The following NCOA2 variants were observed in gnomAD, a reference collection of about 807,000 sequenced individuals.
The protein encoded by NCOA2 is nuclear receptor coactivator 2.
In NCOA2, 21 loss-of-function variants were observed where a neutral mutation model predicts 145.1. That is an observed-to-expected ratio of 0.14 (90% CI 0.10 to 0.21). The LOEUF is 0.21. NCOA2 is among the 10% of genes least tolerant of loss of function. The pLI is 1.00. For synonymous variants in NCOA2, 619 were observed against 637.5 expected, an observed-to-expected ratio of 0.97 and a Z score of 0.44; for missense variants, 1,472 against 1,837.6, an observed-to-expected ratio of 0.80 and a Z score of 3.64.
chr8:70,252,629 G>A (rs547848813), intron 2 of NCOA2, among the ~76,000 whole-genome samples: 2 of 152,212 alleles, frequency 1.3e-5, no homozygotes, highest in African/African-American at 4.8e-5. Flanking sequence ...AATCACATAC[G>A]TTAGGGCCCT....
chr8:70,282,521 A>G (rs1019225149), intron 2 of NCOA2, among the ~76,000 whole-genome samples: 1 of 152,030 alleles, frequency 6.6e-6, no homozygotes, highest in African/African-American at 2.4e-5. Context: ...CCCCATCTCT[A>G]CCAAAAATAC....
chr8:70,156,542 T>C lies in NCOA2; in HGVS notation c.1823A>G (p.Glu608Gly), dbSNP rs769629441. The change falls in exon 11 of 23, where the codon GAG becomes GGG. Residue 608 changes from glutamate to glycine, a missense_variant. This residue lies in a region of NCOA2 where 953 missense variants were observed against 1,062.1 expected (regional missense o/e 0.90). Coordinates refer to ENST00000452400, the MANE Select transcript of NCOA2 (RefSeq NM_006540.4). The stretch of plus-strand genomic sequence containing the variant: ...GTTGGGGTCATTTGTTTCCTTTTGC[T>C]CTCCAGGATGGCAGCTGCTCTCTGC... Reference protein sequence around the residue: ...GQAESSCHPGEQKETNDPNLP... With the variant: ...GQAESSCHPGGQKETNDPNLP... 6 of 1,613,844 alleles carry C rather than the reference T, an allele frequency of 3.7e-6. No individual in the cohort carries two copies. The highest frequency in any genetic ancestry group is 5.1e-6 in the Non-Finnish European group (6 of 1,179,858).
intron 1 of NCOA2, among the ~76,000 whole-genome samples, chr8:70,352,207 T>C (rs987636542): frequency 5.1e-4 from 78 of 152,180 alleles, no homozygotes; most frequent in Non-Finnish European, 1.5e-4. Flanking sequence ...AAGTATTAGA[T>C]GTTTAGAATT....
In NCOA2 at chr8:70,111,880, C is replaced by T. The variant is rs1309694622; in HGVS notation, c.*1752G>A. The T allele has an allele frequency of 4.5e-6, 1 of 221,534 alleles. No homozygotes were observed. The highest frequency in any genetic ancestry group is 9.0e-6 in the Non-Finnish European group (1 of 110,872). 13.7% of individuals were successfully genotyped at this position (221,534 alleles called of 1,614,324 possible). A position where few individuals can be genotyped will look rare whatever the true frequency, so the allele number is the denominator to read the frequency against. On this transcript the variant is annotated 3_prime_UTR_variant, in exon 23 of 23. Coordinates refer to ENST00000452400, the MANE Select transcript of NCOA2 (RefSeq NM_006540.4). ...ATTATAAAATGCTTTGCTTTTTAGA[C>T]ATCAAAAAGATATCATTCTGAAATT...
At chr8:70,339,581 AT>A (rs1372990363) in intron 1 of NCOA2, among the ~76,000 whole-genome samples, 9 of 152,194 alleles carry the variant, frequency 5.9e-5, no homozygotes, top group African/African-American at 1.7e-4. Context: ...AGAAAAAAAA[AT>A]AACTTTTAAA....
intron 4 of NCOA2, among the ~76,000 whole-genome samples, chr8:70,213,306 A>C (rs1026318736): frequency 6.6e-6 from 1 of 152,196 alleles, no homozygotes; most frequent in African/African-American, 2.4e-5. Context: ...TGTAGGCATA[A>C]ATATCAAAGA....
chr8:70,288,633 G>C (rs948637521), intron 2 of NCOA2, among the ~76,000 whole-genome samples: 7 of 150,846 alleles, frequency 4.6e-5, no homozygotes, highest in Non-Finnish European at 7.4e-5. Flanking sequence ...ATTGGAAATA[G>C]ATAAACACAG....
intron 11 of NCOA2, among the ~76,000 whole-genome samples, chr8:70,149,688 A>T (rs1396086969): frequency 6.6e-6 from 1 of 152,176 alleles, no homozygotes; most frequent in Non-Finnish European, 1.5e-5. Context: ...TCTAGATTTT[A>T]CAGATATTCT....
chr8:70,412,665 A>C, the NCOA2 span, among the ~76,000 whole-genome samples: 4 of 149,680 alleles, frequency 2.7e-5, no homozygotes, highest in East Asian at 1.9e-4. Flanking sequence ...AAAAAAAAAA[A>C]AAAAAACTAG....
chr8:70,186,612 T>C (rs1194147068), intron 4 of NCOA2, among the ~76,000 whole-genome samples: 1 of 152,226 alleles, frequency 6.6e-6, no homozygotes, highest in African/African-American at 2.4e-5. Context: ...CCTGATTTGT[T>C]CTGAAGATCA....
chr8:70,300,750 C>T (rs1243137874), intron 1 of NCOA2, among the ~76,000 whole-genome samples: 1 of 152,188 alleles, frequency 6.6e-6, no homozygotes, highest in Non-Finnish European at 1.5e-5. Flanking sequence ...GCTAAAAGAA[C>T]ATTTTAATTT....
chr8:70,404,554 T>G (rs2131893147), upstream of NCOA2, among the ~76,000 whole-genome samples: 1 of 152,308 alleles, frequency 6.6e-6, no homozygotes, highest in South Asian at 2.1e-4. Flanking sequence ...AGGGAGAGGC[T>G]TCTCCCATTG....
intron 6 of NCOA2, among the ~76,000 whole-genome samples, chr8:70,168,926 T>C (rs1207510768): frequency 1.3e-5 from 2 of 152,216 alleles, no homozygotes; most frequent in African/African-American, 4.8e-5. Flanking sequence ...TATTCATACA[T>C]TTTGTATCAC....
intron 4 of NCOA2, among the ~76,000 whole-genome samples, chr8:70,202,906 G>A (rs1345328270): frequency 6.6e-6 from 1 of 152,136 alleles, no homozygotes; most frequent in Non-Finnish European, 1.5e-5. Context: ...GAAAATAGTT[G>A]CAAGGGCTGG....
intron 2 of NCOA2, among the ~76,000 whole-genome samples, chr8:70,281,903 T>C (rs1211525209): frequency 6.6e-6 from 1 of 152,250 alleles, no homozygotes; most frequent in Non-Finnish European, 1.5e-5. Context: ...TCATTATTTA[T>C]TATTCAAAGC....
chr8:70,142,133 C>T (rs200721741), intron 13 of NCOA2, among the ~76,000 whole-genome samples: 1 of 152,110 alleles, frequency 6.6e-6, no homozygotes, highest in East Asian at 1.9e-4. Context: ...CTGTCCTGGC[C>T]CCCAGGATGC....
chr8:70,185,414 T>C (rs1376648711), intron 4 of NCOA2, among the ~76,000 whole-genome samples: 3 of 152,170 alleles, frequency 2.0e-5, no homozygotes, highest in Admixed American at 2.0e-4. Context: ...GTGTTAACAA[T>C]GGGAGAACTC....
intron 1 of NCOA2, among the ~76,000 whole-genome samples, chr8:70,308,496 AAT>A (rs566443016): frequency 3.3e-5 from 5 of 150,906 alleles, no homozygotes; most frequent in Non-Finnish European, 4.4e-5. Context: ...TGTGTGTATA[AAT>A]ATATATATAT....
chr8:70,115,662 A>G (rs1451631847), intron 22 of NCOA2, among the ~76,000 whole-genome samples: 14 of 152,258 alleles, frequency 9.2e-5, no homozygotes, highest in Admixed American at 9.2e-4. Flanking sequence ...AGTAATTACA[A>G]GAGAACCATG....
Sources: allele counts gnomAD v4.1 joint callset (sites outside exome capture counted in the v4.1 genomes callset), GRCh38; gene constraint gnomAD v4.1.1; regional missense constraint gnomAD v4.1.1; transcripts MANE v1.5; gene names NCBI Gene and HGNC (gene_info 2026-07-23, HGNC 2026-07-21).